The following SMO variants were observed in gnomAD, a reference collection of about 807,000 sequenced individuals.
The protein encoded by SMO is protein smoothened.
In SMO, 40 loss-of-function variants were observed where a neutral mutation model predicts 81.6. The ratio of observed to expected loss-of-function variants is 0.49; its 90% CI spans 0.38 to 0.64. The LOEUF is 0.64. Among genes scored for constraint, SMO ranks in the 30% least tolerant of loss-of-function variants. The pLI is 0.00. For missense variants in SMO, 916 were observed against 1,061.1 expected, an observed-to-expected ratio of 0.86 and a Z score of 1.90; for synonymous variants, 434 against 432.1, an observed-to-expected ratio of 1.00 and a Z score of -0.05.
rs549592958 is a variant in SMO at position 129,189,330 on chromosome 7, C to T, written c.179C>T (p.Pro60Leu). 46 of 1,512,262 alleles carry T rather than the reference C, an allele frequency of 3.0e-5. 1 individual carries two copies. The South Asian group carries it at 4.9e-4, about 16-fold the overall frequency. The allele number at this position is 1,512,262 out of a possible 1,614,324, so 93.7% of individuals were successfully genotyped here. A position where few individuals can be genotyped will look rare whatever the true frequency, so the allele number is the denominator to read the frequency against. ...GCGGCGGTGACTGGCCCTCCGCCGC[C>T]GCTGAGCCACTGCGGCCGGGCTGCC... ...RSAAVTGPPP[P>L]LSHCGRAAPC... The change falls in exon 1 of 12, where the codon CCG becomes CTG. Residue 60 changes from proline to leucine, a missense_variant. Physicochemically the swap from Pro to Leu is moderately conservative, Grantham distance 98. Coordinates refer to ENST00000249373, the MANE Select transcript of SMO (RefSeq NM_005631.5). This position sits in a 1 kb window ranked among gnomAD's most constrained non-coding sequence, Gnocchi z 4.7.
At chr7:129,197,058 A>G (rs1372260364) in intron 1 of SMO, among the ~76,000 whole-genome samples, 1 of 151,760 alleles carries the variant, frequency 6.6e-6, no homozygotes, top group Non-Finnish European at 1.5e-5. Flanking sequence ...TGCCTTTAAC[A>G]TTTATTTCAC....
At chr7:129,196,971 T>A (rs548035424) in intron 1 of SMO, among the ~76,000 whole-genome samples, 1 of 142,640 alleles carries the variant, frequency 7.0e-6, no homozygotes, top group South Asian at 2.2e-4. Context: ...GAGCCCAGAT[T>A]GTGCCACTGC....
chr7:129,200,334 T>C (rs1238159641), intron 1 of SMO, among the ~76,000 whole-genome samples: 10 of 152,060 alleles, frequency 6.6e-5, no homozygotes. Flanking sequence ...GGCAGGAGAA[T>C]GGCGTGAACC....
intron 1 of SMO, among the ~76,000 whole-genome samples, chr7:129,197,849 T>G (rs772170807): frequency 2.6e-5 from 4 of 152,196 alleles, no homozygotes; most frequent in Non-Finnish European, 5.9e-5. Flanking sequence ...ACAGTGATAC[T>G]CAACTTGACT....
In SMO at chr7:129,212,112, G is replaced by A. The variant is rs773799444; in HGVS notation, c.2025G>A (p.Arg675=). 8 of 1,570,018 alleles carry A rather than the reference G, an allele frequency of 5.1e-6. No individual in the cohort carries two copies. In the Admixed American group the frequency reaches 1.5e-4, roughly 29 times the overall value. ...AGCGCCTGGGCCGGAAGAAGAAGAGGAGGAAGAGGAAGAAGGAGGTGTGCC... is the reference window on the plus strand; with the variant it reads ...AGCGCCTGGGCCGGAAGAAGAAGAGAAGGAAGAGGAAGAAGGAGGTGTGCC... ...LQKRLGRKKK[R]RKRKKEVCPL... Residue 675 remains arginine, a synonymous_variant, in exon 12 of 12, where the codon AGG becomes AGA. Coordinates refer to ENST00000249373, the MANE Select transcript of SMO (RefSeq NM_005631.5). The surrounding 1 kb of genome is among the most constrained non-coding windows in gnomAD (Gnocchi z 5.0).
At position 129,189,245 on chromosome 7, in the gene SMO, T is replaced by G. The variant is rs1270655700; in HGVS notation, c.94T>G (p.Ser32Ala). Residue 32 changes from serine (S) to alanine (A), a missense_variant, in exon 1 of 12, where the codon TCG becomes GCG. Coordinates refer to ENST00000249373, the MANE Select transcript of SMO (RefSeq NM_005631.5). This position sits in a 1 kb window ranked among gnomAD's most constrained non-coding sequence, Gnocchi z 4.7. ...LLGDPGRGAA[S>A]SGNATGPGPR... is the part of the protein sequence containing the mutation. ...GGGGGACCCGGGCCGGGGGGCGGCC[T>G]CGAGCGGGAACGCGACCGGGCCTGG... 1.6e-6 allele frequency: 2 copies of G among 1,216,086 alleles called. No homozygotes were observed. Among genetic ancestry groups the G allele is most frequent in the South Asian group, 7.3e-5 (2 of 27,542 alleles). 75.3% of individuals were successfully genotyped at this position (1,216,086 alleles called of 1,614,324 possible).
intron 4 of SMO, 78 bp downstream of exon 4, chr7:129,205,860 GC>G: frequency 7.2e-7 from 1 of 1,387,254 alleles, no homozygotes; most frequent in Non-Finnish European, 1.0e-6. Flanking sequence ...GGGAGCAGGT[GC>G]GTGTAAAACC....
At position 129,211,978 on chromosome 7, in the gene SMO, G is replaced by C. The variant is rs2150656139; in HGVS notation, c.1937-46G>C. The C allele has an allele frequency of 6.5e-7, 1 of 1,530,782 alleles. No homozygotes were observed. The highest frequency in any genetic ancestry group is 1.4e-5 in the African/African-American group (1 of 73,116). The allele number at this position is 1,530,782 out of a possible 1,614,324, so 94.8% of individuals were successfully genotyped here. On this transcript the variant is annotated intron_variant, in intron 11 of 11. Transcript: ENST00000249373. The surrounding 1 kb of genome is among the most constrained non-coding windows in gnomAD (Gnocchi z 4.6). ...GCTCCCAGGGGAGCGGGGGTGGCAT[G>C]GACAGAGCCAGGGCCCCAGGCTCGT... is the stretch of plus-strand genomic sequence containing the variant.
In SMO at chr7:129,211,590, CG is replaced by C. The variant is rs747292374; in HGVS notation, c.1802-43del. 6.2e-7 allele frequency: 1 copy of C among 1,600,618 alleles called. No individual in the cohort carries two copies. The highest frequency in any genetic ancestry group is 1.1e-5 in the South Asian group (1 of 89,468). On this transcript the variant is annotated intron_variant, in intron 10 of 11. Transcript: ENST00000249373. This position sits in a 1 kb window ranked among gnomAD's most constrained non-coding sequence, Gnocchi z 4.6. ...GACTATGGGAGGCACTGCCAGGGAC[CG>C]GGAAGTCACTATTCCTTCTCCTTTC...
intron 1 of SMO, among the ~76,000 whole-genome samples, chr7:129,190,799 T>C (rs1034024215): frequency 2.0e-5 from 3 of 152,252 alleles, no homozygotes; most frequent in Non-Finnish European, 4.4e-5. Context: ...CAACAGTGGC[T>C]TTGAAAACTC....
At chr7:129,194,500 C>T (rs548699808) in intron 1 of SMO, among the ~76,000 whole-genome samples, 82 of 152,304 alleles carry the variant, frequency 5.4e-4, no homozygotes, top group Non-Finnish European at 1.0e-3. Context: ...AACTAGACCA[C>T]AGTCAGACCC....
At chr7:129,198,014 C>T (rs529667915) in intron 1 of SMO, among the ~76,000 whole-genome samples, 19 of 152,230 alleles carry the variant, frequency 1.2e-4, no homozygotes, top group South Asian at 1.0e-3. Flanking sequence ...CTCTCTTTCT[C>T]GTTTCAGTTT....
rs1248200595 is a variant in SMO at position 129,203,395 on chromosome 7, G to GC, written c.349dup (p.Arg117ProfsTer19). ...GTTGCCACCCCCAGGCCTCCGGAAT[G>GC]CCCCCCGCTGCTGGGCAGTGATCCA... On this transcript the variant is annotated frameshift_variant, in exon 2 of 12. Coordinates refer to ENST00000249373, the MANE Select transcript of SMO (RefSeq NM_005631.5). LOFTEE classifies it high-confidence loss of function. The GC allele has an allele frequency of 1.9e-6, 3 of 1,551,704 alleles. No homozygotes were observed.
chr7:129,212,599 C>T lies in SMO; in HGVS notation c.*148C>T, dbSNP rs1793895900. The T allele has an allele frequency of 8.1e-6, 6 of 740,758 alleles. No individual in the cohort carries two copies. The highest frequency in any genetic ancestry group is 2.7e-5 in the East Asian group (1 of 37,184). The allele number at this position is 740,758 out of a possible 1,614,324, so 45.9% of individuals were successfully genotyped here. A position where few individuals can be genotyped will look rare whatever the true frequency, so the allele number is the denominator to read the frequency against. On this transcript the variant is annotated 3_prime_UTR_variant, in exon 12 of 12. Transcript: ENST00000249373. This position sits in a 1 kb window ranked among gnomAD's most constrained non-coding sequence, Gnocchi z 5.0. Reference sequence around the variant, plus strand: ...CGAAGAGAGTTCTGGATGTCTGGCTCAAAGCAGCAGGACTGTGGGAAAGAG... The same window carrying T: ...CGAAGAGAGTTCTGGATGTCTGGCTTAAAGCAGCAGGACTGTGGGAAAGAG...
chr7:129,195,902 C>T (rs945594010), intron 1 of SMO, among the ~76,000 whole-genome samples: 3 of 151,954 alleles, frequency 2.0e-5, no homozygotes, highest in African/African-American at 4.8e-5. Context: ...GAAGTCGAGA[C>T]CATCCTGGCT....
At chr7:129,205,919 A>T in intron 4 of SMO, 137 bp downstream of exon 4, 1 of 772,352 alleles carries the variant, frequency 1.3e-6, no homozygotes, top group Non-Finnish European at 2.1e-6. Context: ...ACTGCATGCA[A>T]GATCTCCAGT....
rs2150655367 is a variant in SMO, at chr7:129,211,571, G to A, written c.1802-65G>A. Reference sequence around the variant, plus strand: ...TGGGAAGATGAATGGCACTGACTATGGGAGGCACTGCCAGGGACCGGGAAG... The same window carrying A: ...TGGGAAGATGAATGGCACTGACTATAGGAGGCACTGCCAGGGACCGGGAAG... On this transcript the variant is annotated intron_variant, in intron 10 of 11. Transcript: ENST00000249373. The surrounding 1 kb of genome is among the most constrained non-coding windows in gnomAD (Gnocchi z 4.6). 2 of 1,544,844 alleles carry A rather than the reference G, an allele frequency of 1.3e-6. No individual in the cohort carries two copies. Among genetic ancestry groups the A allele is most frequent in the South Asian group, 1.1e-5 (1 of 87,864 alleles).
In SMO at chr7:129,206,920, C is replaced by T. The variant is rs1203928079; in HGVS notation, c.1264+333C>T. Among the ~76,000 whole-genome samples, 1 of 152,198 alleles carries T rather than the reference C, an allele frequency of 6.6e-6. No homozygotes were observed. The highest frequency in any genetic ancestry group is 1.5e-5 in the Non-Finnish European group (1 of 68,042). On this transcript the variant is annotated intron_variant, in intron 6 of 11. Coordinates refer to ENST00000249373, the MANE Select transcript of SMO (RefSeq NM_005631.5). This position sits in a 1 kb window ranked among gnomAD's most constrained non-coding sequence, Gnocchi z 4.4. ...AGTGCAGTGGCACAATCTTGGCTCA[C>T]TGCAACCTTCGCCTCCTGGGTTCAA...
chr7:129,199,854 A>G (rs1313219122), intron 1 of SMO, among the ~76,000 whole-genome samples: 1 of 152,242 alleles, frequency 6.6e-6, no homozygotes, highest in Non-Finnish European at 1.5e-5. Context: ...TTTTTATCAC[A>G]GTGATAAAGA....
Sources: gnomAD v4.1 joint callset for allele counts (sites outside exome capture counted in the v4.1 genomes callset) on GRCh38, gnomAD v4.1.1 for gene constraint, Gnocchi (gnomAD v3.1) non-coding constraint, MANE v1.5 for transcripts, NCBI Gene and HGNC (gene_info 2026-07-23, HGNC 2026-07-21) for gene names.